The following KAT2B variants were observed in gnomAD, a reference collection of about 807,000 sequenced individuals.
The protein encoded by KAT2B is lysine acetyltransferase 2B.
A neutral mutation model predicts 105.9 loss-of-function variants in KAT2B; 36 were observed. The ratio of observed to expected loss-of-function variants is 0.34; its 90% confidence interval spans 0.26 to 0.45. The LOEUF is 0.45. Among genes scored for constraint, KAT2B ranks in the 20% least tolerant of loss-of-function variants. The probability of loss-of-function intolerance (pLI) is 1.00; values close to 1 mark genes in which losing one functional copy is unlikely to be tolerated. For missense variants in KAT2B, 820 were observed against 1,021.6 expected, an observed-to-expected ratio of 0.80 and a Z score of 2.69; for synonymous variants, 397 against 377.9, an observed-to-expected ratio of 1.05 and a Z score of -0.59.
intron 1 of KAT2B, among the ~76,000 whole-genome samples, chr3:20,060,296 A>G (rs1032613863): frequency 3.9e-5 from 6 of 152,146 alleles, no homozygotes; most frequent in Non-Finnish European, 8.8e-5. Flanking sequence ...TTTTGAAAAA[A>G]TTGTTGTTTC....
intron 6 of KAT2B, among the ~76,000 whole-genome samples, chr3:20,113,813 T>C: frequency 6.6e-6 from 1 of 151,988 alleles, no homozygotes; most frequent in East Asian, 1.9e-4. Context: ...TGTGCTGCCT[T>C]TTTTTCCACT....
intron 1 of KAT2B, among the ~76,000 whole-genome samples, chr3:20,047,446 A>G (rs1292691084): frequency 5.3e-5 from 8 of 152,156 alleles, no homozygotes; most frequent in Non-Finnish European, 1.2e-4. Context: ...TCATGGGCAT[A>G]TATTTTAAAC....
At chr3:20,126,318 G>C (rs1427331602) in intron 10 of KAT2B, among the ~76,000 whole-genome samples, 2 of 152,128 alleles carry the variant, frequency 1.3e-5, no homozygotes, top group Non-Finnish European at 2.9e-5. Context: ...TGTTAATGAT[G>C]ATGAAACTTT....
chr3:20,122,417 G>T (rs900743603), intron 8 of KAT2B, among the ~76,000 whole-genome samples: 1 of 152,136 alleles, frequency 6.6e-6, no homozygotes, highest in East Asian at 1.9e-4. Flanking sequence ...AGGAACATGT[G>T]CCTTAATATT....
intron 2 of KAT2B, among the ~76,000 whole-genome samples, chr3:20,082,018 A>G (rs1055791821): frequency 2.6e-5 from 4 of 151,764 alleles, no homozygotes; most frequent in Admixed American, 2.0e-4. Flanking sequence ...AAATATTTCA[A>G]TATACAGTTC....
chr3:20,090,816 C>G (rs1201363571), intron 2 of KAT2B, among the ~76,000 whole-genome samples: 1 of 152,066 alleles, frequency 6.6e-6, no homozygotes, highest in African/African-American at 2.4e-5. Flanking sequence ...GTCACTGCAA[C>G]CTCAATCTTG....
intron 14 of KAT2B, 193 bp downstream of exon 14, chr3:20,146,623 A>G: frequency 2.2e-6 from 1 of 445,576 alleles, no homozygotes; most frequent in Non-Finnish European, 4.1e-6. Context: ...AACAAACCAA[A>G]GGGAGCTTAG....
At chr3:20,081,780 A>T (rs185084918) in intron 2 of KAT2B, among the ~76,000 whole-genome samples, 199 of 152,094 alleles carry the variant, frequency 1.3e-3, no homozygotes, top group African/African-American at 4.4e-3. Context: ...TTAAAAATTT[A>T]CATAAAAGTC....
intron 1 of KAT2B, among the ~76,000 whole-genome samples, chr3:20,064,646 C>G (rs147679842): frequency 6.6e-6 from 1 of 152,082 alleles, no homozygotes; most frequent in African/African-American, 2.4e-5. Flanking sequence ...AATGAGTAAC[C>G]CCAGGCAAGT....
intron 4 of KAT2B, 83 bp from the exon 5 acceptor site, chr3:20,101,204 C>A: frequency 9.0e-7 from 1 of 1,107,316 alleles, no homozygotes; most frequent in Non-Finnish European, 1.3e-6. Context: ...TGCTAATAAC[C>A]ACCAATCATG....
intron 12 of KAT2B, among the ~76,000 whole-genome samples, chr3:20,139,617 A>T (rs915870941): frequency 6.6e-6 from 1 of 151,926 alleles, no homozygotes; most frequent in Non-Finnish European, 1.5e-5. Flanking sequence ...TTATAAATAT[A>T]TTATTTATAA....
intron 11 of KAT2B, among the ~76,000 whole-genome samples, chr3:20,130,662 T>C (rs559083110): frequency 1.5e-3 from 226 of 152,294 alleles, no homozygotes; most frequent in African/African-American, 5.2e-3. Context: ...GTCTTATTAC[T>C]TCCCAGAAAG....
At chr3:20,138,963 A>G (rs372834383) in intron 12 of KAT2B, among the ~76,000 whole-genome samples, 3 of 152,106 alleles carry the variant, frequency 2.0e-5, no homozygotes, top group African/African-American at 4.8e-5. Flanking sequence ...GCATGATCAT[A>G]GCTCACTGCA....
intron 1 of KAT2B, among the ~76,000 whole-genome samples, chr3:20,051,968 T>A (rs1463576911): frequency 1.3e-5 from 2 of 152,274 alleles, no homozygotes; most frequent in Non-Finnish European, 2.9e-5. Context: ...CTCAGGTACC[T>A]CCTGTTCAAA....
intron 7 of KAT2B, among the ~76,000 whole-genome samples, chr3:20,115,583 C>T (rs1419095722): frequency 6.6e-6 from 1 of 152,052 alleles, no homozygotes; most frequent in Non-Finnish European, 1.5e-5. Flanking sequence ...CTAATGCCTC[C>T]AGCAAAGAAA....
intron 1 of KAT2B, among the ~76,000 whole-genome samples, chr3:20,051,067 GCA>G (rs1316144041): frequency 6.6e-6 from 1 of 151,844 alleles, no homozygotes; most frequent in African/African-American, 2.4e-5. Flanking sequence ...GGGCATGGTG[GCA>G]CACACCTGTA....
At chr3:20,115,821 T>C (rs1575142667) in intron 7 of KAT2B, among the ~76,000 whole-genome samples, 1 of 152,182 alleles carries the variant, frequency 6.6e-6, no homozygotes, top group African/African-American at 2.4e-5. Context: ...GTGTTTTTGT[T>C]CTTACAGTTT....
chr3:20,152,005 A>G (rs530842210), intron 17 of KAT2B, among the ~76,000 whole-genome samples: 78 of 152,284 alleles, frequency 5.1e-4, no homozygotes, highest in African/African-American at 1.9e-3. Context: ...TTCTGACTGA[A>G]TAGCTAACAG....
chr3:20,122,844 T>C (rs9884012), intron 9 of KAT2B, 40 bp downstream of exon 9: 33 of 1,580,214 alleles, frequency 2.1e-5, no homozygotes, highest in Admixed American at 5.3e-5. Context: ...GGTAGACCTC[T>C]TCTGCTCTCC....
Sources: gnomAD v4.1 joint callset for allele counts (sites outside exome capture counted in the v4.1 genomes callset) on GRCh38, gnomAD v4.1.1 for gene constraint, MANE v1.5 for transcripts, NCBI Gene and HGNC (gene_info 2026-07-23, HGNC 2026-07-21) for gene names.